Variants in NTM observed in about 807,000 individuals in gnomAD.
The protein encoded by NTM is IgLON family member 2.
In NTM, 13 loss-of-function variants were observed where a neutral mutation model predicts 42.1. The observed-to-expected ratio is 0.31, with a 90% confidence interval of 0.20 to 0.49. The LOEUF is 0.49. NTM is among the 20% of genes least tolerant of loss of function. The pLI, the probability that NTM is intolerant of heterozygous loss-of-function variation, is 0.99. For synonymous variants in NTM, 187 were observed against 179.2 expected (o/e 1.04, Z -0.35); for missense variants, 373 against 452.8 (o/e 0.82, Z 1.60).
At chr11:131,631,522 G>A (rs1284393921) in intron 1 of NTM, among the ~76,000 whole-genome samples, 1 of 152,082 alleles carries the variant, frequency 6.6e-6, no homozygotes, top group Non-Finnish European at 1.5e-5. Flanking sequence ...TTAAAACTAC[G>A]TTTTCAATAC....
intron 1 of NTM, chr11:131,573,673 C>T (rs1037078754): frequency 2.6e-5 from 4 of 152,216 alleles, no homozygotes; most frequent in Non-Finnish European, 5.9e-5. Context: ...TTTTCGTTAA[C>T]AAGTGCCTTC....
chr11:131,384,847 G>A (rs1225606814), intron 1 of NTM, among the ~76,000 whole-genome samples: 1 of 152,192 alleles, frequency 6.6e-6, no homozygotes, highest in African/African-American at 2.4e-5. Context: ...CTTAAATAAC[G>A]TAATCTGTAT....
At chr11:132,295,125 GTCTC>G (rs1321056476) in intron 4 of NTM, among the ~76,000 whole-genome samples, 1 of 151,274 alleles carries the variant, frequency 6.6e-6, no homozygotes, top group Non-Finnish European at 1.5e-5. Flanking sequence ...CTCTCTCTCT[GTCTC>G]TCTCACACAC....
At chr11:131,547,475 G>C (rs1257814438) in intron 1 of NTM, among the ~76,000 whole-genome samples, 1 of 152,186 alleles carries the variant, frequency 6.6e-6, no homozygotes. Flanking sequence ...GCAGATGCCA[G>C]GCGCTAACCG....
Position 131,446,911 on chromosome 11 carries a change from C to T in NTM, c.82+76023C>T, listed in dbSNP as rs181410176. On this transcript the variant is annotated intron_variant, in intron 1 of 8. Coordinates refer to ENST00000683400, the MANE Select transcript of NTM (RefSeq NM_001352005.2). ...AAAAGCTGGCTGTGGTCCTTCACAGCGATCAGAGGAGAGGCTGATGGAAAG... is the reference window on the plus strand; with the variant it reads ...AAAAGCTGGCTGTGGTCCTTCACAGTGATCAGAGGAGAGGCTGATGGAAAG... Among the ~76,000 whole-genome samples, 116 of 152,206 alleles carry T rather than the reference C, an allele frequency of 7.6e-4. 1 individual carries two copies. The highest frequency in any genetic ancestry group is 2.5e-3 in the African/African-American group (104 of 41,542).
chr11:131,380,791 C>T (rs1319809801), intron 1 of NTM, among the ~76,000 whole-genome samples: 1 of 152,186 alleles, frequency 6.6e-6, no homozygotes, highest in African/African-American at 2.4e-5. Flanking sequence ...ACTCTGTCGA[C>T]TCAAGGTGAG....
intron 1 of NTM, among the ~76,000 whole-genome samples, chr11:131,502,173 C>T (rs2046917871): frequency 6.6e-6 from 1 of 152,004 alleles, no homozygotes; most frequent in Admixed American, 6.6e-5. Context: ...TCCTCACCCC[C>T]CAGAGGATGG....
chr11:132,089,592 G>A (rs1388543224), intron 2 of NTM, among the ~76,000 whole-genome samples: 1 of 152,156 alleles, frequency 6.6e-6, no homozygotes, highest in Non-Finnish European at 1.5e-5. Context: ...ATAACAAATT[G>A]ATGTGAATAT....
At chr11:132,153,097 G>C (rs2072345108) in intron 3 of NTM, among the ~76,000 whole-genome samples, 1 of 152,172 alleles carries the variant, frequency 6.6e-6, no homozygotes, top group Non-Finnish European at 1.5e-5. Flanking sequence ...GCTCCCATGG[G>C]AAAGTCTGTA....
At chr11:131,846,261 C>T (rs895585719) in intron 1 of NTM, among the ~76,000 whole-genome samples, 4 of 152,036 alleles carry the variant, frequency 2.6e-5, no homozygotes, top group African/African-American at 9.7e-5. Flanking sequence ...TTTTCCTTAA[C>T]CTATGTTAAG....
chr11:131,665,412 T>G (rs183368641), intron 1 of NTM, among the ~76,000 whole-genome samples: 4 of 152,214 alleles, frequency 2.6e-5, no homozygotes, highest in Non-Finnish European at 4.4e-5. Flanking sequence ...GTTGAAGTCC[T>G]GACCTCCAGT....
chr11:132,318,313 C>A (rs574847263), intron 7 of NTM, among the ~76,000 whole-genome samples: 1 of 152,238 alleles, frequency 6.6e-6, no homozygotes, highest in East Asian at 1.9e-4. Context: ...CTACCTTATC[C>A]ACCGTACAGA....
chr11:132,061,192 AAAAGT>A (rs2080614997), intron 2 of NTM, among the ~76,000 whole-genome samples: 1 of 152,242 alleles, frequency 6.6e-6, no homozygotes, highest in Non-Finnish European at 1.5e-5. Flanking sequence ...AAAGAAATGT[AAAAGT>A]AAAGCATCTC....
intron 2 of NTM, among the ~76,000 whole-genome samples, chr11:132,005,169 G>T (rs184015740): frequency 1.3e-5 from 2 of 152,092 alleles, no homozygotes; most frequent in Non-Finnish European, 2.9e-5. Context: ...CACTCTCCAG[G>T]TCCCATGCAT....
intron 4 of NTM, among the ~76,000 whole-genome samples, chr11:132,230,588 C>T (rs552454680): frequency 7.1e-4 from 108 of 152,366 alleles, no homozygotes; most frequent in Middle Eastern, 3.4e-3. Flanking sequence ...CAAGCAGCCG[C>T]GCCTTGCGCA....
At chr11:132,142,508 G>A (rs368440966) in intron 2 of NTM, among the ~76,000 whole-genome samples, 6 of 152,242 alleles carry the variant, frequency 3.9e-5, no homozygotes, top group East Asian at 3.9e-4. Context: ...TTTTTTAACC[G>A]AGGAGCGATG....
intron 2 of NTM, among the ~76,000 whole-genome samples, chr11:132,120,857 G>C (rs1591639443): frequency 6.6e-6 from 1 of 152,244 alleles, no homozygotes; most frequent in East Asian, 1.9e-4. Context: ...AGTATGCATA[G>C]GCTGCTGCAA....
rs1001284540 is a variant in NTM at position 132,213,773 on chromosome 11, C to T, written c.526+1626C>T. ...TTTTTGAGACGGAGTCTCGCTCTGT[C>T]GCCCAGGCTGGAGTGCAGTGGCGGG... On this transcript the variant is annotated intron_variant, in intron 4 of 8. Coordinates refer to ENST00000683400, the MANE Select transcript of NTM (RefSeq NM_001352005.2). Among the ~76,000 whole-genome samples, 9 of 48,588 alleles carry T rather than the reference C, an allele frequency of 1.9e-4. 2 individuals carry two copies. In the East Asian group the frequency reaches 2.0e-3, roughly 11 times the overall value. The allele number at this position is 48,588 out of a possible 152,430, so 31.9% of individuals were successfully genotyped here. A position where few individuals can be genotyped will look rare whatever the true frequency, so the allele number is the denominator to read the frequency against.
intron 1 of NTM, among the ~76,000 whole-genome samples, chr11:131,669,512 C>T (rs1316743118): frequency 6.6e-6 from 1 of 152,126 alleles, no homozygotes; most frequent in Non-Finnish European, 1.5e-5. Flanking sequence ...GGTTGTAGAG[C>T]TGGAAGGCAT....
Sources: allele counts gnomAD v4.1 joint callset (sites outside exome capture counted in the v4.1 genomes callset), GRCh38; gene constraint gnomAD v4.1.1; transcripts MANE v1.5; gene names NCBI Gene and HGNC (gene_info 2026-07-23, HGNC 2026-07-21).